Variants in ATP10B observed in about 807,000 individuals in gnomAD.
The protein encoded by ATP10B is ATPase phospholipid transporting 10B (putative), also known as phospholipid-transporting ATPase VB.
In ATP10B, 122 loss-of-function variants were observed where a neutral mutation model predicts 141.2. That is an observed-to-expected ratio of 0.86 (90% confidence interval 0.75 to 1.00). ATP10B has a LOEUF of 1.00. ATP10B is among the 50% of genes least tolerant of loss of function. The probability of loss-of-function intolerance (pLI) is 0.00; values close to 1 mark genes in which losing one functional copy is unlikely to be tolerated. For synonymous variants in ATP10B, 685 were observed against 692.0 expected (o/e 0.99, Z 0.16); for missense variants, 1,876 against 1,825.3 (o/e 1.03, Z -0.51).
intron 2 of ATP10B, among the ~76,000 whole-genome samples, chr5:160,775,618 T>C (rs1300364469): frequency 6.6e-6 from 1 of 151,712 alleles, no homozygotes; most frequent in Non-Finnish European, 1.5e-5. Flanking sequence ...AAATCCAAGC[T>C]CCACCACTTA....
intron 1 of ATP10B, among the ~76,000 whole-genome samples, chr5:160,851,590 G>T (rs1051179912): frequency 6.6e-6 from 1 of 152,134 alleles, no homozygotes; most frequent in African/African-American, 2.4e-5. Flanking sequence ...TCTGCTTTGA[G>T]AAGAAGGCTG....
At chr5:160,873,963 C>G in the ATP10B span, among the ~76,000 whole-genome samples, 112 of 152,350 alleles carry the variant, frequency 7.4e-4, no homozygotes, top group South Asian at 0.018. Context: ...GGGGGAGGGG[C>G]GCCTGCCATT....
At chr5:160,584,033 TG>T (rs1316850760) in intron 24 of ATP10B, among the ~76,000 whole-genome samples, 2 of 151,260 alleles carry the variant, frequency 1.3e-5, no homozygotes, top group Admixed American at 6.6e-5. Flanking sequence ...TCCAGGGGAG[TG>T]AACAGTTCTA....
At chr5:160,635,871 A>G (rs934861119) in intron 11 of ATP10B, among the ~76,000 whole-genome samples, 5 of 152,100 alleles carry the variant, frequency 3.3e-5, no homozygotes, top group African/African-American at 1.2e-4. Context: ...TAGATCATTC[A>G]TGTTTTATCT....
chr5:160,926,368 T>C, the ATP10B span, among the ~76,000 whole-genome samples: 1 of 152,222 alleles, frequency 6.6e-6, no homozygotes, highest in East Asian at 1.9e-4. Flanking sequence ...GGCCCCTAGC[T>C]TCCCAGAAAA....
At chr5:160,726,957 T>C (rs1766411238) in intron 2 of ATP10B, among the ~76,000 whole-genome samples, 1 of 152,132 alleles carries the variant, frequency 6.6e-6, no homozygotes, top group Non-Finnish European at 1.5e-5. Context: ...GGTGGGGGAC[T>C]TGCTTTGAAT....
chr5:160,604,055 C>T lies in ATP10B; in HGVS notation c.3161-14G>A. 6.2e-7 allele frequency: 1 copy of T among 1,609,680 alleles called. No individual in the cohort carries two copies. Among genetic ancestry groups the T allele is most frequent in the Non-Finnish European group, 8.5e-7 (1 of 1,176,340 alleles). ...TTGCTCCATCACCTGAAAGAGAGGTCATAACGTGTCTTTATTTTTGGTCCA... is the reference window on the plus strand; with the variant it reads ...TTGCTCCATCACCTGAAAGAGAGGTTATAACGTGTCTTTATTTTTGGTCCA... On this transcript the variant is annotated splice_polypyrimidine_tract_variant and intron_variant, in intron 19 of 25. Coordinates refer to ENST00000327245, the MANE Select transcript of ATP10B (RefSeq NM_025153.3).
intron 2 of ATP10B, among the ~76,000 whole-genome samples, chr5:160,753,142 C>G (rs182046234): frequency 8.5e-5 from 13 of 152,274 alleles, no homozygotes; most frequent in Admixed American, 7.2e-4. Context: ...AAGTTTGGAC[C>G]ATTTTCTGAA....
At chr5:160,616,041 G>T in intron 16 of ATP10B, 77 bp from the exon 17 acceptor site, 1 of 1,518,592 alleles carries the variant, frequency 6.6e-7, no homozygotes, top group Non-Finnish European at 8.9e-7. Context: ...CCACCTGCTG[G>T]GTCTCCTATT....
At chr5:160,623,576 G>A (rs544897508) in intron 13 of ATP10B, among the ~76,000 whole-genome samples, 79 of 152,164 alleles carry the variant, frequency 5.2e-4, no homozygotes, top group African/African-American at 1.8e-3. Context: ...AAAAGAGGAC[G>A]GGCTGGATCT....
chr5:160,851,999 A>G lies in ATP10B; in HGVS notation c.-634T>C, dbSNP rs1043597758. On this transcript the variant is annotated 5_prime_UTR_variant, in exon 1 of 26. Coordinates refer to ENST00000327245, the MANE Select transcript of ATP10B (RefSeq NM_025153.3). ...CCAGTAGAAGAAAACAGTGCTTGAA[A>G]GTGGCGGTATTTCTCTCGCACACCT... 2 of 152,156 alleles carry G rather than the reference A, an allele frequency of 1.3e-5. No individual in the cohort carries two copies. Among genetic ancestry groups the G allele is most frequent in the African/African-American group, 4.8e-5 (2 of 41,446 alleles). 9.4% of individuals were successfully genotyped at this position (152,156 alleles called of 1,614,324 possible). A position where few individuals can be genotyped will look rare whatever the true frequency, so the allele number is the denominator to read the frequency against.
chr5:160,839,219 G>A (rs1775669290), intron 1 of ATP10B, among the ~76,000 whole-genome samples: 1 of 152,184 alleles, frequency 6.6e-6, no homozygotes, highest in Admixed American at 6.5e-5. Context: ...AAATTTTGGG[G>A]AAGGGAGAAG....
chr5:160,740,579 C>T (rs1231526629), intron 2 of ATP10B, among the ~76,000 whole-genome samples: 1 of 152,192 alleles, frequency 6.6e-6, no homozygotes, highest in Non-Finnish European at 1.5e-5. Context: ...ATTGGGTTCA[C>T]ATCTCGTCTT....
intron 2 of ATP10B, among the ~76,000 whole-genome samples, chr5:160,764,983 A>T (rs1291186815): frequency 6.6e-6 from 1 of 152,082 alleles, no homozygotes; most frequent in African/African-American, 2.4e-5. Context: ...AATAAAAAAT[A>T]AAGTAAAAAT....
At chr5:160,888,180 G>C in the ATP10B span, among the ~76,000 whole-genome samples, 1 of 152,110 alleles carries the variant, frequency 6.6e-6, no homozygotes, top group East Asian at 1.9e-4. Flanking sequence ...CTGGCCCATG[G>C]GCATACACTA....
chr5:160,624,639 G>A (rs903247638), intron 13 of ATP10B, among the ~76,000 whole-genome samples: 4 of 152,160 alleles, frequency 2.6e-5, no homozygotes, highest in Admixed American at 2.0e-4. Context: ...AGTCTTCCTA[G>A]TAGGCGCTCA....
At chr5:160,659,003 C>A (rs570502776) in intron 7 of ATP10B, among the ~76,000 whole-genome samples, 1 of 152,114 alleles carries the variant, frequency 6.6e-6, no homozygotes, top group Non-Finnish European at 1.5e-5. Context: ...TCAAATATTT[C>A]CCACATTGAC....
At chr5:160,639,642 A>G (rs1759677746) in intron 10 of ATP10B, among the ~76,000 whole-genome samples, 1 of 152,148 alleles carries the variant, frequency 6.6e-6, no homozygotes, top group Non-Finnish European at 1.5e-5. Flanking sequence ...CGATGCCCTG[A>G]CTTTAACGCA....
chr5:160,706,607 A>G (rs982372654), intron 3 of ATP10B, among the ~76,000 whole-genome samples: 1 of 152,198 alleles, frequency 6.6e-6, no homozygotes, highest in African/African-American at 2.4e-5. Flanking sequence ...TGCCCTGGTT[A>G]GTTTGTTTAA....
Sources: gnomAD v4.1 joint callset for allele counts (sites outside exome capture counted in the v4.1 genomes callset) on GRCh38, gnomAD v4.1.1 for gene constraint, MANE v1.5 for transcripts, NCBI Gene and HGNC (gene_info 2026-07-23, HGNC 2026-07-21) for gene names.